Variants in OLFM3 observed in about 807,000 individuals in gnomAD.
OLFM3 encodes noelin-3.
Under a neutral mutation model 48.6 loss-of-function variants are expected in OLFM3, and 20 were observed. That is an observed-to-expected ratio of 0.41 (90% CI 0.29 to 0.60). The LOEUF (loss-of-function observed/expected upper bound fraction) is 0.60, where lower values mean the gene tolerates loss of function less well. OLFM3 is among the 20% of genes least tolerant of loss of function. The pLI, the probability that OLFM3 is intolerant of heterozygous loss-of-function variation, is 0.28. For missense variants in OLFM3, 437 were observed against 544.3 expected (o/e 0.80, Z 1.96); for synonymous variants, 222 against 198.1 (o/e 1.12, Z -1.01).
At chr1:101,970,178 G>T (rs978007803) in intron 1 of OLFM3, among the ~76,000 whole-genome samples, 5 of 152,002 alleles carry the variant, frequency 3.3e-5, no homozygotes, top group African/African-American at 1.2e-4. Context: ...ACCACACCCC[G>T]CTAATTTTTT....
chr1:101,905,706 G>C (rs1162628746), intron 1 of OLFM3, among the ~76,000 whole-genome samples: 1 of 152,096 alleles, frequency 6.6e-6, no homozygotes, highest in Non-Finnish European at 1.5e-5. Flanking sequence ...ATTGTGATTG[G>C]TCATTAATGC....
At chr1:101,873,930 ATAAT>A (rs761726060) in intron 1 of OLFM3, among the ~76,000 whole-genome samples, 1 of 151,934 alleles carries the variant, frequency 6.6e-6, no homozygotes. Context: ...ATTTATTAAA[ATAAT>A]TAATCTCCAA....
In OLFM3 at chr1:101,803,503, T is replaced by C. The variant is rs182454568; in HGVS notation, c.*735A>G. The C allele has an allele frequency of 6.6e-6, 1 of 152,242 alleles. No homozygotes were observed. Among genetic ancestry groups the C allele is most frequent in the East Asian group, 1.9e-4 (1 of 5,136 alleles). The allele number at this position is 152,242 out of a possible 1,614,324, so 9.4% of individuals were successfully genotyped here. On this transcript the variant is annotated 3_prime_UTR_variant, in exon 6 of 6. Transcript: ENST00000370103. ...GTGTCTGGTTTGGTTTTCATTTTAG[T>C]TTATAATGCTTATGTAAAGGGGTAA...
chr1:101,820,557 C>T (rs1654563486), intron 4 of OLFM3, among the ~76,000 whole-genome samples: 1 of 151,934 alleles, frequency 6.6e-6, no homozygotes, highest in African/African-American at 2.4e-5. Context: ...ATTACTGTAC[C>T]TCATTCAGGC....
intron 1 of OLFM3, among the ~76,000 whole-genome samples, chr1:101,849,348 G>A (rs1656134680): frequency 6.6e-6 from 1 of 152,226 alleles, no homozygotes; most frequent in Non-Finnish European, 1.5e-5. Context: ...AGCGGACTGT[G>A]TTTAGGGCAA....
At chr1:101,978,014 C>A (rs1187262113) in intron 1 of OLFM3, among the ~76,000 whole-genome samples, 1 of 152,040 alleles carries the variant, frequency 6.6e-6, no homozygotes, top group African/African-American at 2.4e-5. Context: ...ACATTAGTTA[C>A]AAGGTAGAAC....
chr1:101,956,825 A>G lies in OLFM3; in HGVS notation c.69+39923T>C, dbSNP rs567601493. Among the ~76,000 whole-genome samples the G allele has an allele frequency of 3.0e-4, 45 of 152,038 alleles. No homozygotes were observed. In the Middle Eastern group the frequency reaches 0.014, roughly 46 times the overall value. On this transcript the variant is annotated intron_variant, in intron 1 of 5. Coordinates refer to ENST00000370103, the MANE Select transcript of OLFM3 (RefSeq NM_058170.4). Reference sequence around the variant, plus strand: ...TCTATAGGGAATGAAAGAAAGAGAGATGGTATCTTTTGCATCTATTTGGTT... The same window carrying G: ...TCTATAGGGAATGAAAGAAAGAGAGGTGGTATCTTTTGCATCTATTTGGTT...
chr1:101,844,292 G>T (rs975840137), intron 1 of OLFM3, among the ~76,000 whole-genome samples: 1 of 152,078 alleles, frequency 6.6e-6, no homozygotes, highest in African/African-American at 2.4e-5. Context: ...AATTCTATGA[G>T]GCCAGGGAGA....
rs185094136 is a variant in OLFM3, at chr1:101,822,121, G to A, written c.592+2905C>T. Among the ~76,000 whole-genome samples the A allele has an allele frequency of 3.7e-3, 556 of 152,136 alleles. 3 individuals carry two copies. Among genetic ancestry groups the A allele is most frequent in the Middle Eastern group, 0.01 (3 of 294 alleles). Reference sequence around the variant, plus strand: ...ATCTTTGTCCAAAATATCGGAAGAGGCTATATTTGGGGGGTTACATGTGGG... The same window carrying A: ...ATCTTTGTCCAAAATATCGGAAGAGACTATATTTGGGGGGTTACATGTGGG... On this transcript the variant is annotated intron_variant, in intron 4 of 5. Coordinates refer to ENST00000370103, the MANE Select transcript of OLFM3 (RefSeq NM_058170.4).
chr1:101,913,842 A>G (rs920262634), intron 1 of OLFM3, among the ~76,000 whole-genome samples: 4 of 152,164 alleles, frequency 2.6e-5, no homozygotes, highest in Admixed American at 6.5e-5. Context: ...TAAATGCTTC[A>G]GAAGAAGAAA....
At position 101,803,402 on chromosome 1, in the gene OLFM3, A is replaced by G. The variant is rs1653586233; in HGVS notation, c.*836T>C. 6.6e-6 allele frequency: 1 copy of G among 152,118 alleles called. No homozygotes were observed. The highest frequency in any genetic ancestry group is 2.4e-5 in the African/African-American group (1 of 41,392). 9.4% of individuals were successfully genotyped at this position (152,118 alleles called of 1,614,324 possible). ...TTCAGTGGAGTGAACAGAGTAACTC[A>G]GTTGTATGAAATCAGTTGTTGCATT... On this transcript the variant is annotated 3_prime_UTR_variant, in exon 6 of 6. Coordinates refer to ENST00000370103, the MANE Select transcript of OLFM3 (RefSeq NM_058170.4).
chr1:101,941,865 A>G (rs1037904233), intron 1 of OLFM3, among the ~76,000 whole-genome samples: 6 of 152,214 alleles, frequency 3.9e-5, no homozygotes, highest in African/African-American at 1.4e-4. Context: ...TATCAGATAG[A>G]AGACCATGCT....
chr1:101,869,568 C>T (rs796909096), intron 1 of OLFM3, among the ~76,000 whole-genome samples: 1 of 151,980 alleles, frequency 6.6e-6, no homozygotes, highest in Non-Finnish European at 1.5e-5. Context: ...TTGGGGGAAC[C>T]ATTGGGAAGG....
chr1:101,964,377 G>A (rs1247012365), intron 1 of OLFM3, among the ~76,000 whole-genome samples: 1 of 152,064 alleles, frequency 6.6e-6, no homozygotes, highest in African/African-American at 2.4e-5. Context: ...TTTATCTTTT[G>A]GATAATGGGA....
Position 101,846,601 on chromosome 1 carries a change from T to C in OLFM3, c.70-9576A>G, listed in dbSNP as rs949128604. ...TTCCAAGTAATATAGTTAAAGCTTT[T>C]CACCCTTAAGAATTTAATGACTCTG... On this transcript the variant is annotated intron_variant, in intron 1 of 5. Transcript: ENST00000370103. 3.9e-5 allele frequency among the ~76,000 whole-genome samples: 6 copies of C among 152,128 alleles called. 1 individual carries two copies. The highest frequency in any genetic ancestry group is 1.4e-4 in the African/African-American group (6 of 41,450).
chr1:101,934,795 G>T (rs1367034305), intron 1 of OLFM3, among the ~76,000 whole-genome samples: 1 of 151,466 alleles, frequency 6.6e-6, no homozygotes, highest in Non-Finnish European at 1.5e-5. Context: ...AATAAAAACA[G>T]AAATCAATAC....
At chr1:101,888,178 G>T (rs894757386) in intron 1 of OLFM3, among the ~76,000 whole-genome samples, 1 of 152,108 alleles carries the variant, frequency 6.6e-6, no homozygotes, top group Non-Finnish European at 1.5e-5. Flanking sequence ...CCAAAAGAGA[G>T]CCTGCATTGC....
At chr1:101,830,647 A>T in intron 3 of OLFM3, 25 bp downstream of exon 3, 1 of 1,613,720 alleles carries the variant, frequency 6.2e-7, no homozygotes, top group Non-Finnish European at 8.5e-7. Context: ...ATTTGGATTG[A>T]CAAGATTGCA....
At chr1:101,970,068 T>G (rs1397435694) in intron 1 of OLFM3, among the ~76,000 whole-genome samples, 1 of 151,406 alleles carries the variant, frequency 6.6e-6, no homozygotes, top group Non-Finnish European at 1.5e-5. Context: ...CAGGCTGGAG[T>G]GCAGTGGCTT....
Sources: allele counts gnomAD v4.1 joint callset (sites outside exome capture counted in the v4.1 genomes callset), GRCh38; gene constraint gnomAD v4.1.1; transcripts MANE v1.5; gene names NCBI Gene and HGNC (gene_info 2026-07-23, HGNC 2026-07-21).